The following SNTG2 variants were observed in gnomAD, a reference collection of about 807,000 sequenced individuals.
The protein encoded by SNTG2 is gamma-2-syntrophin.
A neutral mutation model predicts 70.9 loss-of-function variants in SNTG2; 74 were observed. That is an observed-to-expected ratio of 1.04 (90% CI 0.86 to 1.27). SNTG2 has a LOEUF of 1.27. SNTG2 is among the 50% of genes most tolerant of loss of function. The pLI is 0.00. For missense variants in SNTG2, 717 were observed against 690.7 expected, an observed-to-expected ratio of 1.04 and a Z score of -0.43; for synonymous variants, 278 against 273.8, an observed-to-expected ratio of 1.02 and a Z score of -0.15.
intron 8 of SNTG2, among the ~76,000 whole-genome samples, chr2:1,183,469 G>C (rs1011208594): frequency 1.3e-5 from 2 of 152,184 alleles, no homozygotes; most frequent in African/African-American, 4.8e-5. Context: ...ACCACCAGCA[G>C]GGTGAGGTGT....
intron 1 of SNTG2, among the ~76,000 whole-genome samples, chr2:992,596 A>G (rs1391370355): frequency 6.6e-6 from 1 of 152,226 alleles, no homozygotes; most frequent in Non-Finnish European, 1.5e-5. Flanking sequence ...TTTCTGAATA[A>G]CTTTGGAATA....
At chr2:1,175,626 T>C (rs943461309) in intron 8 of SNTG2, among the ~76,000 whole-genome samples, 3 of 152,172 alleles carry the variant, frequency 2.0e-5, no homozygotes, top group Admixed American at 1.3e-4. Context: ...TCCTACAGAG[T>C]CTTTTTAAAA....
chr2:1,330,316 C>T (rs1261226748), intron 16 of SNTG2, among the ~76,000 whole-genome samples: 1 of 152,200 alleles, frequency 6.6e-6, no homozygotes, highest in Non-Finnish European at 1.5e-5. Flanking sequence ...AGTGCATCCT[C>T]TGAGGAGAGG....
At chr2:1,016,719 G>A (rs1489320615) in intron 1 of SNTG2, among the ~76,000 whole-genome samples, 1 of 152,192 alleles carries the variant, frequency 6.6e-6, no homozygotes, top group East Asian at 1.9e-4. Flanking sequence ...GCGTATTCAC[G>A]GACTGGCTCT....
intron 14 of SNTG2, among the ~76,000 whole-genome samples, chr2:1,281,689 G>A (rs75157012): frequency 6.6e-6 from 1 of 152,242 alleles, no homozygotes; most frequent in East Asian, 1.9e-4. Flanking sequence ...TGATGAAGGT[G>A]AAGGTATGTT....
chr2:1,334,691 A>G lies in SNTG2; in HGVS notation c.1488+18316A>G, dbSNP rs535290488. Among the ~76,000 whole-genome samples, 144 of 152,322 alleles carry G rather than the reference A, an allele frequency of 9.5e-4. 1 individual carries two copies. Among genetic ancestry groups the G allele is most frequent in the African/African-American group, 2.6e-3 (109 of 41,572 alleles). On this transcript the variant is annotated intron_variant, in intron 16 of 16. Coordinates refer to ENST00000308624, the MANE Select transcript of SNTG2 (RefSeq NM_018968.4). ...TTATTCTAAGTGAAGTAACTCAGGA[A>G]TGGAAAACCAAATATCACGTTCTCA...
intron 12 of SNTG2, among the ~76,000 whole-genome samples, chr2:1,254,323 C>T (rs1459461490): frequency 2.6e-5 from 4 of 152,182 alleles, no homozygotes; most frequent in African/African-American, 9.7e-5. Flanking sequence ...ACAACTCACA[C>T]ACCCTACTCT....
intron 1 of SNTG2, among the ~76,000 whole-genome samples, chr2:1,033,707 A>T (rs1030434100): frequency 2.6e-5 from 4 of 152,144 alleles, no homozygotes; most frequent in African/African-American, 7.2e-5. Flanking sequence ...CTTGGAGTAG[A>T]AGTTCCCTGT....
intron 10 of SNTG2, 46 bp from the exon 11 acceptor site, chr2:1,239,692 T>A (rs1422508061): frequency 6.2e-7 from 1 of 1,603,310 alleles, no homozygotes. Context: ...TGAGCCATCC[T>A]GGTGTTGGTG....
At chr2:1,007,456 C>T (rs1659605782) in intron 1 of SNTG2, among the ~76,000 whole-genome samples, 1 of 152,168 alleles carries the variant, frequency 6.6e-6, no homozygotes, top group Non-Finnish European at 1.5e-5. Flanking sequence ...ACAAAACTTC[C>T]CTGAGCCTCA....
rs1210361173 is a variant in SNTG2 at position 1,179,112 on chromosome 2, TG to T, written c.591+5930del. On this transcript the variant is annotated intron_variant, in intron 8 of 16. Transcript: ENST00000308624. ...GCATAGAGGTGTTTGTAGTATTCTTTGATGGTAGTTTGCATTTCTGTGGGAT... is the reference window on the plus strand; with the variant it reads ...GCATAGAGGTGTTTGTAGTATTCTTTATGGTAGTTTGCATTTCTGTGGGAT... Among the ~76,000 whole-genome samples, 10 of 152,382 alleles carry T rather than the reference TG, an allele frequency of 6.6e-5. No homozygotes were observed. The South Asian group carries it at 2.1e-3, about 32-fold the overall frequency.
At chr2:1,356,519 C>G (rs1183829725) in intron 16 of SNTG2, among the ~76,000 whole-genome samples, 2 of 152,148 alleles carry the variant, frequency 1.3e-5, no homozygotes, top group African/African-American at 4.8e-5. Flanking sequence ...TTTCTGGGCT[C>G]TCTATTCTGT....
intron 4 of SNTG2, among the ~76,000 whole-genome samples, chr2:1,133,672 T>C (rs998445609): frequency 1.4e-5 from 2 of 146,852 alleles, no homozygotes; most frequent in Non-Finnish European, 3.0e-5. Flanking sequence ...CTTTCATGAT[T>C]TTATTTTATC....
chr2:981,551 ACACACACATGCCTG>A (rs1238821529), intron 1 of SNTG2, among the ~76,000 whole-genome samples: 1 of 152,002 alleles, frequency 6.6e-6, no homozygotes, highest in African/African-American at 2.4e-5. Context: ...ACACACATGC[ACACACACATGCCTG>A]CACACACATA....
intron 16 of SNTG2, among the ~76,000 whole-genome samples, chr2:1,322,528 A>T (rs1322838614): frequency 1.3e-5 from 2 of 152,306 alleles, no homozygotes; most frequent in East Asian, 3.9e-4. Context: ...GAAATAATAA[A>T]AATTAATATG....
intron 8 of SNTG2, among the ~76,000 whole-genome samples, chr2:1,174,017 G>A (rs1355064916): frequency 1.3e-5 from 2 of 152,190 alleles, no homozygotes; most frequent in African/African-American, 2.4e-5. Context: ...ATTCATGTTT[G>A]TACAATCTAT....
chr2:1,364,688 T>C (rs13397359), intron 16 of SNTG2, among the ~76,000 whole-genome samples: 107,732 of 148,332 alleles, frequency 0.73, 39,238 homozygotes, highest in East Asian at 0.94. Flanking sequence ...GTCAGGAGGT[T>C]GAGACCATCC....
At chr2:977,601 C>T (rs574317392) in intron 1 of SNTG2, among the ~76,000 whole-genome samples, 5 of 152,292 alleles carry the variant, frequency 3.3e-5, no homozygotes, top group South Asian at 4.1e-4. Flanking sequence ...CCATCTCTGT[C>T]GCTCAATGGT....
chr2:1,010,677 A>G (rs1018063414), intron 1 of SNTG2, among the ~76,000 whole-genome samples: 3 of 152,160 alleles, frequency 2.0e-5, no homozygotes, highest in South Asian at 2.1e-4. Context: ...GGGAGAAAGG[A>G]TTGTTAGAAC....
Sources: allele counts gnomAD v4.1 joint callset (sites outside exome capture counted in the v4.1 genomes callset), GRCh38; gene constraint gnomAD v4.1.1; transcripts MANE v1.5; gene names NCBI Gene and HGNC (gene_info 2026-07-23, HGNC 2026-07-21).